PHKB: variants seen among roughly 807,000 people sequenced by gnomAD.
PHKB encodes phosphorylase kinase regulatory subunit beta, also known as phosphorylase b kinase regulatory subunit beta.
PHKB carries 122 observed loss-of-function variants against 152.1 expected under a neutral mutation model. The observed-to-expected ratio is 0.80, with a 90% CI of 0.69 to 0.93. The LOEUF (loss-of-function observed/expected upper bound fraction) is 0.93. Among genes scored for constraint, PHKB ranks in the 40% least tolerant of loss-of-function variants. The pLI, the probability that PHKB is intolerant of heterozygous loss-of-function variation, is 0.00. For missense variants in PHKB, 1,304 were observed against 1,328.4 expected (o/e 0.98, Z 0.29); for synonymous variants, 436 against 464.9 (o/e 0.94, Z 0.80).
chr16:47,550,212 A>G (rs1971247620), intron 7 of PHKB, among the ~76,000 whole-genome samples: 1 of 152,164 alleles, frequency 6.6e-6, no homozygotes. Context: ...GGAGGTAGTG[A>G]TGGCTGTGGT....
Position 47,602,943 on chromosome 16 carries a change from C to T in PHKB, c.1363+6412C>T, listed in dbSNP as rs192119144. Among the ~76,000 whole-genome samples, 3 of 152,324 alleles carry T rather than the reference C, an allele frequency of 2.0e-5. No individual in the cohort carries two copies. In the East Asian group the frequency reaches 5.8e-4, roughly 29 times the overall value. ...AATACTTCTCTCTGTCTCTCTCTCT[C>T]TCTCTAAGGGCAACCTAATTATTCT... On this transcript the variant is annotated intron_variant, in intron 13 of 30. Transcript: ENST00000323584.
chr16:47,471,558 A>G (rs952678503), intron 1 of PHKB, among the ~76,000 whole-genome samples: 2 of 152,168 alleles, frequency 1.3e-5, no homozygotes, highest in African/African-American at 4.8e-5. Context: ...CACTCAATCT[A>G]TGTTTGATAG....
rs530258557 is a variant in PHKB at position 47,613,263 on chromosome 16, C to G, written c.1458+2343C>G. 3.3e-5 allele frequency among the ~76,000 whole-genome samples: 5 copies of G among 152,252 alleles called. No homozygotes were observed. In the South Asian group the frequency reaches 1.0e-3, roughly 32 times the overall value. Reference sequence around the variant, plus strand: ...CAAAAGGAAAAGGCATGGGGCAAGTCCTGAGGAACCTCAGCACAGGCTTCC... The same window carrying G: ...CAAAAGGAAAAGGCATGGGGCAAGTGCTGAGGAACCTCAGCACAGGCTTCC... On this transcript the variant is annotated intron_variant, in intron 14 of 30. Transcript: ENST00000323584.
At chr16:47,467,302 GAATT>G (rs1380102305) in intron 1 of PHKB, among the ~76,000 whole-genome samples, 1 of 152,112 alleles carries the variant, frequency 6.6e-6, no homozygotes, top group Non-Finnish European at 1.5e-5. Flanking sequence ...AGATTACTCA[GAATT>G]TAATATTAAT....
intron 14 of PHKB, among the ~76,000 whole-genome samples, chr16:47,614,435 A>G (rs890301966): frequency 2.6e-5 from 4 of 152,202 alleles, no homozygotes; most frequent in African/African-American, 4.8e-5. Flanking sequence ...CCATTCACAC[A>G]TTGAAGAATA....
At chr16:47,552,283 T>A (rs1428926241) in intron 7 of PHKB, among the ~76,000 whole-genome samples, 1 of 152,228 alleles carries the variant, frequency 6.6e-6, no homozygotes. Flanking sequence ...TTTTGCCCGT[T>A]ACTTCATGCA....
At chr16:47,696,605 T>A (rs1350960572) in intron 29 of PHKB, 117 bp downstream of exon 29, 1 of 723,924 alleles carries the variant, frequency 1.4e-6, no homozygotes, top group East Asian at 2.7e-5. Context: ...TACCCCGATC[T>A]CTCCTGTGAG....
rs1971193166 is a variant in PHKB, at chr16:47,547,481, G to T, written c.643G>T (p.Val215Leu). 2 of 1,613,008 alleles carry T rather than the reference G, an allele frequency of 1.2e-6. No homozygotes were observed. The highest frequency in any genetic ancestry group is 1.7e-4 in the Middle Eastern group (1 of 6,058). ...ATTTTGTGTGGAAAGAGTTTACCGT[G>T]TGCCTGACTTTGGTGTCTGGGAAAG... ...LVFCVERVYR[V>L]PDFGVWERGS... Residue 215 changes from valine (V) to leucine (L), a missense_variant, in exon 7 of 31, where the codon GTG (valine) becomes TTG (leucine). Val to Leu is a conservative substitution (Grantham distance 32). Coordinates refer to ENST00000323584, the MANE Select transcript of PHKB (RefSeq NM_000293.3).
At chr16:47,484,910 C>T (rs994244706) in intron 1 of PHKB, among the ~76,000 whole-genome samples, 5 of 152,100 alleles carry the variant, frequency 3.3e-5, no homozygotes, top group African/African-American at 1.2e-4. Context: ...GAATAAAAAT[C>T]ACACTCCTTT....
rs115906254 is a variant in PHKB, at chr16:47,667,518, T to C, written c.2428-1697T>C. Among the ~76,000 whole-genome samples the C allele has an allele frequency of 1.6e-3, 250 of 152,254 alleles. 2 individuals are homozygous for C. The highest frequency in any genetic ancestry group is 5.5e-3 in the African/African-American group (230 of 41,552). On this transcript the variant is annotated intron_variant, in intron 25 of 30. Transcript: ENST00000323584. The stretch of plus-strand genomic sequence containing the variant: ...TTATTTTCTCCAAATTATTGAGAGG[T>C]AGAATTTTTATCCCTGTTTGTTGGC...
At chr16:47,513,810 C>G (rs1446932851) in intron 5 of PHKB, among the ~76,000 whole-genome samples, 1 of 152,072 alleles carries the variant, frequency 6.6e-6, no homozygotes, top group East Asian at 1.9e-4. Flanking sequence ...TTTTCACTGC[C>G]TTTTTAAAAA....
chr16:47,552,835 A>C (rs1971297566), intron 7 of PHKB, among the ~76,000 whole-genome samples: 1 of 151,388 alleles, frequency 6.6e-6, no homozygotes, highest in South Asian at 2.1e-4. Context: ...ACACACACCA[A>C]AAAACAAAGA....
chr16:47,606,333 A>G (rs780856943), intron 13 of PHKB, among the ~76,000 whole-genome samples: 1 of 152,234 alleles, frequency 6.6e-6, no homozygotes, highest in Non-Finnish European at 1.5e-5. Context: ...GCTCTGTCAT[A>G]TTCACTACCT....
At chr16:47,562,069 A>AG (rs1971484905) in intron 7 of PHKB, 2 of 152,200 alleles carry the variant, frequency 1.3e-5, no homozygotes, top group Admixed American at 1.3e-4. Flanking sequence ...TGTCCTGGCA[A>AG]GTGTTAGACC....
intron 26 of PHKB, among the ~76,000 whole-genome samples, chr16:47,670,441 G>T (rs1280208116): frequency 6.6e-6 from 1 of 152,082 alleles, no homozygotes; most frequent in Non-Finnish European, 1.5e-5. Context: ...AATTGTGGTT[G>T]TATCAATTTC....
intron 1 of PHKB, among the ~76,000 whole-genome samples, chr16:47,477,674 A>G (rs185326099): frequency 2.6e-5 from 4 of 152,332 alleles, no homozygotes; most frequent in South Asian, 2.1e-4. Flanking sequence ...TGATTTTTCT[A>G]TTAAACTGTG....
chr16:47,692,738 T>C (rs541720627), intron 27 of PHKB, among the ~76,000 whole-genome samples: 326 of 152,334 alleles, frequency 2.1e-3, no homozygotes, highest in African/African-American at 7.7e-3. Flanking sequence ...ACTTAAGTGC[T>C]TAATGCATGA....
chr16:47,655,881 A>G (rs1392287724), intron 20 of PHKB, among the ~76,000 whole-genome samples: 1 of 152,178 alleles, frequency 6.6e-6, no homozygotes, highest in Non-Finnish European at 1.5e-5. Flanking sequence ...AAGCACCTGA[A>G]CTTTCATCAC....
chr16:47,603,441 A>C (rs868691412), intron 13 of PHKB, among the ~76,000 whole-genome samples: 1 of 151,192 alleles, frequency 6.6e-6, no homozygotes. Flanking sequence ...CACATGTAGT[A>C]TTACTTTAAA....
Sources: allele counts gnomAD v4.1 joint callset (sites outside exome capture counted in the v4.1 genomes callset), GRCh38; gene constraint gnomAD v4.1.1; transcripts MANE v1.5; gene names NCBI Gene and HGNC (gene_info 2026-07-23, HGNC 2026-07-21).